The following TNFAIP8 variants were observed in gnomAD, a reference collection of about 807,000 sequenced individuals.
The protein encoded by TNFAIP8 is TNF alpha induced protein 8.
A neutral mutation model predicts 13.3 loss-of-function variants in TNFAIP8; 7 were observed. That is an observed-to-expected ratio of 0.52 (90% CI 0.30 to 0.99). TNFAIP8 has a LOEUF of 0.99. Ranked by LOEUF, TNFAIP8 falls within the 50% of genes least tolerant of loss-of-function variation. The probability of loss-of-function intolerance (pLI) is 0.07; values close to 1 mark genes in which losing one functional copy is unlikely to be tolerated. For missense variants in TNFAIP8, 258 were observed against 236.9 expected (o/e 1.09, Z -0.58); for synonymous variants, 94 against 87.6 (o/e 1.07, Z -0.41).
At chr5:119,306,323 TC>T (rs57930646) in intron 1 of TNFAIP8, 21,729 of 142,042 alleles carry the variant, frequency 0.15, 3,078 homozygotes, top group African/African-American at 0.41. Flanking sequence ...TCTTTCTTTT[TC>T]TTTTTTTTTT....
intron 1 of TNFAIP8, among the ~76,000 whole-genome samples, chr5:119,320,660 C>T (rs1030095941): frequency 3.9e-5 from 6 of 152,120 alleles, no homozygotes; most frequent in Admixed American, 2.0e-4. Context: ...TCATCCATCC[C>T]GGCCCCCTTC....
rs1457145373 is a variant in TNFAIP8 at position 119,292,667 on chromosome 5, TATATATATATATATATATAC to T, written c.1+23762_1+23781del. Among the ~76,000 whole-genome samples, 22 of 44,504 alleles carry T rather than the reference TATATATATATATATATATAC, an allele frequency of 4.9e-4. 1 individual carries two copies. Among genetic ancestry groups the T allele is most frequent in the African/African-American group, 1.0e-3 (20 of 19,200 alleles). 29.2% of individuals were successfully genotyped at this position (44,504 alleles called of 152,430 possible). On this transcript the variant is annotated intron_variant, in intron 1 of 1. Transcript: ENST00000274456. ...TAGCATATATATATATATATATATA[TATATATATATATATATATAC>T]ACACACACACAATGAAATACTATTT...
chr5:119,331,982 T>G (rs1224494374), intron 1 of TNFAIP8, among the ~76,000 whole-genome samples: 1 of 152,220 alleles, frequency 6.6e-6, no homozygotes, highest in African/African-American at 2.4e-5. Context: ...TCTTTGACCC[T>G]TAGTCCCTGA....
intron 1 of TNFAIP8, among the ~76,000 whole-genome samples, chr5:119,312,779 T>G (rs1749774562): frequency 6.9e-6 from 1 of 144,852 alleles, no homozygotes; most frequent in Admixed American, 6.9e-5. Flanking sequence ...AATATGAAGA[T>G]CTACATTCAG....
At chr5:119,285,266 T>C (rs1748745120) in intron 1 of TNFAIP8, among the ~76,000 whole-genome samples, 1 of 152,194 alleles carries the variant, frequency 6.6e-6, no homozygotes, top group East Asian at 1.9e-4. Flanking sequence ...CAACTATAAA[T>C]CATCTCTAAT....
At chr5:119,294,623 A>T (rs941681106) in intron 1 of TNFAIP8, among the ~76,000 whole-genome samples, 2 of 152,164 alleles carry the variant, frequency 1.3e-5, no homozygotes, top group African/African-American at 4.8e-5. Context: ...CTCCACACTG[A>T]CTTCCACAAT....
At chr5:119,333,878 C>G (rs1388175335) in intron 1 of TNFAIP8, among the ~76,000 whole-genome samples, 1 of 152,098 alleles carries the variant, frequency 6.6e-6, no homozygotes, top group Non-Finnish European at 1.5e-5. Context: ...TTAAAGTTTG[C>G]ATGTAGACAG....
At chr5:119,313,842 C>G (rs1045604583) in intron 1 of TNFAIP8, among the ~76,000 whole-genome samples, 13 of 152,212 alleles carry the variant, frequency 8.5e-5, no homozygotes, top group Non-Finnish European at 1.5e-4. Context: ...TCTCACTTAG[C>G]TTTTGAATTA....
At chr5:119,290,955 T>C (rs1288251544) in intron 1 of TNFAIP8, among the ~76,000 whole-genome samples, 3 of 151,428 alleles carry the variant, frequency 2.0e-5, no homozygotes, top group Non-Finnish European at 4.4e-5. Flanking sequence ...AGCTAAGGAG[T>C]TTGGACTTTC....
chr5:119,314,018 T>G (rs1749808903), intron 1 of TNFAIP8, among the ~76,000 whole-genome samples: 1 of 152,224 alleles, frequency 6.6e-6, no homozygotes. Flanking sequence ...TAAAATCTAG[T>G]AGAGGCAGCA....
chr5:119,394,388 A>G lies in TNFAIP8; in HGVS notation c.*1007A>G, dbSNP rs1235534130. On this transcript the variant is annotated 3_prime_UTR_variant, in exon 2 of 2. Coordinates refer to ENST00000504771, the MANE Select transcript of TNFAIP8 (RefSeq NM_014350.4). ...AGAATGTCACTTTTTTATTTAACTG[A>G]TAAGATTTTTGTTATTTTTTACTTT... 1.3e-5 allele frequency: 2 copies of G among 152,176 alleles called. No individual in the cohort carries two copies. The highest frequency in any genetic ancestry group is 4.8e-5 in the African/African-American group (2 of 41,440). 9.4% of individuals were successfully genotyped at this position (152,176 alleles called of 1,614,324 possible).
chr5:119,294,794 A>G (rs1749115411), intron 1 of TNFAIP8, among the ~76,000 whole-genome samples: 1 of 152,212 alleles, frequency 6.6e-6, no homozygotes, highest in Non-Finnish European at 1.5e-5. Flanking sequence ...ATGGCCAGTG[A>G]TGGTGAGCAT....
In TNFAIP8 at chr5:119,356,605, T is replaced by C. The variant is rs1266603230; in HGVS notation, c.31+484T>C. Among the ~76,000 whole-genome samples, 6 of 152,070 alleles carry C rather than the reference T, an allele frequency of 3.9e-5. No individual in the cohort carries two copies. In the South Asian group the frequency reaches 8.4e-4, roughly 21 times the overall value. On this transcript the variant is annotated intron_variant, in intron 1 of 1. Coordinates refer to ENST00000504771, the MANE Select transcript of TNFAIP8 (RefSeq NM_014350.4). Reference sequence around the variant, plus strand: ...CGAAAATCTGTATTTGAGAAATAGATTAATTTTTTTTCATTGCTGGGTTTT... The same window carrying C: ...CGAAAATCTGTATTTGAGAAATAGACTAATTTTTTTTCATTGCTGGGTTTT...
chr5:119,334,246 AATTTT>A (rs1420164993), intron 1 of TNFAIP8, among the ~76,000 whole-genome samples: 19 of 152,108 alleles, frequency 1.2e-4, no homozygotes, highest in Non-Finnish European at 7.4e-5. Flanking sequence ...AAGTAGACTT[AATTTT>A]ATTTTTAAAG....
intron 1 of TNFAIP8, among the ~76,000 whole-genome samples, chr5:119,320,573 C>G (rs1025403125): frequency 6.6e-6 from 1 of 152,180 alleles, no homozygotes; most frequent in Non-Finnish European, 1.5e-5. Context: ...GTTAAGGTCA[C>G]CAAAGACCTC....
chr5:119,324,687 G>C (rs536281842), intron 1 of TNFAIP8, among the ~76,000 whole-genome samples: 46 of 151,694 alleles, frequency 3.0e-4, no homozygotes, highest in African/African-American at 1.1e-3. Context: ...TATCACAGCA[G>C]TATTACATGT....
At chr5:119,384,621 A>C (rs1027498909) in intron 1 of TNFAIP8, among the ~76,000 whole-genome samples, 1 of 152,216 alleles carries the variant, frequency 6.6e-6, no homozygotes, top group East Asian at 1.9e-4. Context: ...GCAACCAATG[A>C]GTCTTGTGGA....
chr5:119,276,968 A>C (rs1455940943), intron 1 of TNFAIP8, among the ~76,000 whole-genome samples: 1 of 152,236 alleles, frequency 6.6e-6, no homozygotes, highest in East Asian at 1.9e-4. Flanking sequence ...TTTCCTATAC[A>C]TATGTACCTA....
chr5:119,355,184 T>C, upstream of TNFAIP8: 1 of 660,452 alleles, frequency 1.5e-6, no homozygotes, highest in Non-Finnish European at 2.7e-6. Flanking sequence ...CTATCAGCAT[T>C]TCAAATCCTG....
Sources: allele counts gnomAD v4.1 joint callset (sites outside exome capture counted in the v4.1 genomes callset), GRCh38; gene constraint gnomAD v4.1.1; transcripts MANE v1.5; gene names NCBI Gene and HGNC (gene_info 2026-07-23, HGNC 2026-07-21).